DTNBP1: variants seen among roughly 807,000 people sequenced by gnomAD.
DTNBP1 encodes the protein dysbindin.
DTNBP1 carries 35 observed loss-of-function variants against 42.8 expected under a neutral mutation model. The ratio of observed to expected loss-of-function variants is 0.82; its 90% confidence interval spans 0.63 to 1.09. The LOEUF (loss-of-function observed/expected upper bound fraction) is 1.09. DTNBP1 is among the 50% of genes least tolerant of loss of function. DTNBP1 has a pLI of 0.00. For synonymous variants in DTNBP1, 171 were observed against 162.2 expected, an observed-to-expected ratio of 1.05 and a Z score of -0.41; for missense variants, 457 against 424.2, an observed-to-expected ratio of 1.08 and a Z score of -0.68.
chr6:15,651,124 T>C lies in DTNBP1; in HGVS notation c.161+189A>G, dbSNP rs569151763. On this transcript the variant is annotated intron_variant, in intron 3 of 9. Transcript: ENST00000344537. ...CAATAGTGATCTGTCTGCTCAAAGT[T>C]TGAATGGACTTTGTACTAATGAGTG... is the stretch of plus-strand genomic sequence containing the variant. 2.2e-3 allele frequency among the ~76,000 whole-genome samples: 334 copies of C among 152,294 alleles called. 4 individuals carry two copies. The Middle Eastern group carries it at 0.024, about 11-fold the overall frequency.
Position 15,593,092 on chromosome 6 carries a change from A to AG in DTNBP1, c.489-12_489-11insC. On this transcript the variant is annotated splice_polypyrimidine_tract_variant and intron_variant, in intron 6 of 9. Transcript: ENST00000344537. ...GTTTCAAGTTCCTTCCTGTAGGAAA[A>AG]AAAAAAAAAAGACAAGACAATGCAA... The AG allele has an allele frequency of 3.2e-6, 5 of 1,547,196 alleles. No individual in the cohort carries two copies. Among genetic ancestry groups the AG allele is most frequent in the Non-Finnish European group, 4.4e-6 (5 of 1,141,358 alleles).
intron 3 of DTNBP1, among the ~76,000 whole-genome samples, chr6:15,641,610 G>A (rs991369887): frequency 1.3e-5 from 2 of 152,138 alleles, no homozygotes; most frequent in Non-Finnish European, 2.9e-5. Flanking sequence ...CAACTCGTGT[G>A]TACATGCGTG....
chr6:15,540,863 C>T (rs9476839), intron 7 of DTNBP1, among the ~76,000 whole-genome samples: 23,525 of 152,074 alleles, frequency 0.15, 2,703 homozygotes, highest in African/African-American at 0.32. Flanking sequence ...AAGATGGTCT[C>T]GATCTCCTGA....
At chr6:15,663,046 C>T, upstream of DTNBP1, 1 of 791,776 alleles carries the variant, frequency 1.3e-6, no homozygotes, top group Non-Finnish European at 1.8e-6. Context: ...TCCGCGTTCC[C>T]GCCCCGCGCG....
chr6:15,591,371 A>G (rs1418201105), intron 7 of DTNBP1, among the ~76,000 whole-genome samples: 1 of 152,156 alleles, frequency 6.6e-6, no homozygotes, highest in Non-Finnish European at 1.5e-5. Flanking sequence ...AGGCCCTTCC[A>G]AAGTGCTGGG....
intron 6 of DTNBP1, among the ~76,000 whole-genome samples, chr6:15,594,188 C>A (rs1369171397): frequency 1.3e-5 from 2 of 152,086 alleles, no homozygotes; most frequent in African/African-American, 4.8e-5. Context: ...TGTGGCTGGG[C>A]GTGGTGGCTC....
In DTNBP1 at chr6:15,658,362, T is replaced by C. The variant is rs80103279; in HGVS notation, c.56+4452A>G. Among the ~76,000 whole-genome samples, 321 of 152,282 alleles carry C rather than the reference T, an allele frequency of 2.1e-3. 4 individuals are homozygous for C. The Middle Eastern group carries it at 0.024, about 11-fold the overall frequency. On this transcript the variant is annotated intron_variant, in intron 1 of 9. Transcript: ENST00000344537. ...AGCAACACTTCACCATTTGACCACA[T>C]TGTAATTTAGATGACTGGCTCCAAC...
At chr6:15,632,991 T>G (rs1267145887) in intron 4 of DTNBP1, among the ~76,000 whole-genome samples, 2 of 152,330 alleles carry the variant, frequency 1.3e-5, no homozygotes, top group East Asian at 3.9e-4. Flanking sequence ...ATACACATTT[T>G]AAAACAACGT....
Position 15,587,607 on chromosome 6 carries a change from T to C in DTNBP1, c.511+5452A>G, listed in dbSNP as rs1029411428. Among the ~76,000 whole-genome samples, 12 of 152,210 alleles carry C rather than the reference T, an allele frequency of 7.9e-5. No homozygotes were observed. Among genetic ancestry groups the C allele is most frequent in the African/African-American group, 2.9e-4 (12 of 41,454 alleles). On this transcript the variant is annotated intron_variant, in intron 7 of 9. Transcript: ENST00000344537. This position sits in a 1 kb window ranked among gnomAD's most constrained non-coding sequence, Gnocchi z 4.1. ...TCTTACATTATGGTCACTGGTTTCC[T>C]ACAAAGGTGCCAAAGCAATTCAATG... is the stretch of plus-strand genomic sequence containing the variant.
chr6:15,639,247 TG>T (rs1760201295), intron 3 of DTNBP1, among the ~76,000 whole-genome samples: 2 of 152,238 alleles, frequency 1.3e-5, no homozygotes, highest in South Asian at 4.1e-4. Flanking sequence ...ATGCTAACAC[TG>T]GGAAAGCTGA....
At chr6:15,558,764 T>C (rs915979891) in intron 7 of DTNBP1, among the ~76,000 whole-genome samples, 4 of 152,350 alleles carry the variant, frequency 2.6e-5, no homozygotes, top group East Asian at 1.9e-4. Flanking sequence ...ATCCTTTCTG[T>C]TTTGTTTTTC....
At chr6:15,640,176 T>A (rs1024226710) in intron 3 of DTNBP1, among the ~76,000 whole-genome samples, 4 of 152,220 alleles carry the variant, frequency 2.6e-5, no homozygotes, top group African/African-American at 7.2e-5. Context: ...CAACCTCGCA[T>A]GGGCCTTAGC....
chr6:15,654,471 C>G (rs879312137), intron 1 of DTNBP1, among the ~76,000 whole-genome samples: 6 of 152,124 alleles, frequency 3.9e-5, no homozygotes, highest in Non-Finnish European at 7.4e-5. Context: ...AAGGGAATTC[C>G]TAAGATCCTC....
At chr6:15,599,360 G>C (rs1281246802) in intron 6 of DTNBP1, among the ~76,000 whole-genome samples, 1 of 152,152 alleles carries the variant, frequency 6.6e-6, no homozygotes, top group Non-Finnish European at 1.5e-5. Context: ...TGAGGAAAAT[G>C]GGGCTTGAGG....
At chr6:15,547,732 C>T (rs865847805) in intron 7 of DTNBP1, among the ~76,000 whole-genome samples, 2 of 152,172 alleles carry the variant, frequency 1.3e-5, no homozygotes, top group Admixed American at 1.3e-4. Context: ...GAATCCATTA[C>T]CAGTCCCTGT....
At chr6:15,623,780 T>TAA (rs1013035312) in intron 5 of DTNBP1, among the ~76,000 whole-genome samples, 8 of 152,336 alleles carry the variant, frequency 5.3e-5, no homozygotes, top group African/African-American at 1.7e-4. Context: ...GTTTTATGAT[T>TAA]AAAAAGCACT....
chr6:15,594,578 T>C (rs892383013), intron 6 of DTNBP1, among the ~76,000 whole-genome samples: 1 of 151,988 alleles, frequency 6.6e-6, no homozygotes, highest in Non-Finnish European at 1.5e-5. Flanking sequence ...ACAAGCTAAA[T>C]ATGCCTAAAA....
At chr6:15,607,591 C>A (rs569480272) in intron 6 of DTNBP1, among the ~76,000 whole-genome samples, 1 of 152,156 alleles carries the variant, frequency 6.6e-6, no homozygotes, top group Non-Finnish European at 1.5e-5. Flanking sequence ...TGTGAGCCAC[C>A]GTGCCCAGCA....
At chr6:15,598,811 C>A (rs1012677710) in intron 6 of DTNBP1, among the ~76,000 whole-genome samples, 1 of 152,276 alleles carries the variant, frequency 6.6e-6, no homozygotes, top group African/African-American at 2.4e-5. Context: ...ACAAAACCAG[C>A]AAGACATTCT....
Sources: gnomAD v4.1 joint callset for allele counts (sites outside exome capture counted in the v4.1 genomes callset) on GRCh38, gnomAD v4.1.1 for gene constraint, Gnocchi (gnomAD v3.1) non-coding constraint, MANE v1.5 for transcripts, NCBI Gene and HGNC (gene_info 2026-07-23, HGNC 2026-07-21) for gene names.